The following OPCML variants were observed in gnomAD, a reference collection of about 807,000 sequenced individuals.
OPCML encodes opioid-binding protein/cell adhesion molecule.
A neutral mutation model predicts 37.8 loss-of-function variants in OPCML; 13 were observed. The ratio of observed to expected loss-of-function variants is 0.34; its 90% CI spans 0.22 to 0.55. The LOEUF is 0.55. Among genes scored for constraint, OPCML ranks in the 20% least tolerant of loss-of-function variants. The pLI is 0.91. For missense variants in OPCML, 341 were observed against 435.6 expected, an observed-to-expected ratio of 0.78 and a Z score of 1.93; for synonymous variants, 176 against 168.8, an observed-to-expected ratio of 1.04 and a Z score of -0.33.
At chr11:132,822,702 T>A (rs1455184334) in intron 2 of OPCML, among the ~76,000 whole-genome samples, 1 of 152,228 alleles carries the variant, frequency 6.6e-6, no homozygotes, top group African/African-American at 2.4e-5. Context: ...ACTTGTGATA[T>A]GCAGCTGAGA....
intron 4 of OPCML, among the ~76,000 whole-genome samples, chr11:132,439,524 C>A (rs1055916727): frequency 2.0e-5 from 3 of 152,184 alleles, no homozygotes; most frequent in African/African-American, 7.2e-5. Flanking sequence ...CACTTTCTTG[C>A]CCTACTCCCT....
At chr11:133,346,166 G>A (rs1232600560) in intron 1 of OPCML, among the ~76,000 whole-genome samples, 3 of 152,186 alleles carry the variant, frequency 2.0e-5, no homozygotes, top group Non-Finnish European at 4.4e-5. Flanking sequence ...ATTAGACTAT[G>A]ATTTAAATCC....
chr11:133,187,836 G>A (rs993934825), intron 1 of OPCML, among the ~76,000 whole-genome samples: 1 of 152,134 alleles, frequency 6.6e-6, no homozygotes, highest in African/African-American at 2.4e-5. Flanking sequence ...TGTACAGATG[G>A]AACTGTCACA....
At chr11:133,156,075 T>C (rs1381252774) in intron 1 of OPCML, among the ~76,000 whole-genome samples, 1 of 152,240 alleles carries the variant, frequency 6.6e-6, no homozygotes, top group African/African-American at 2.4e-5. Context: ...CGAATCTTTA[T>C]GAAAGGCTAA....
At chr11:133,440,824 A>G (rs1363521364) in intron 1 of OPCML, among the ~76,000 whole-genome samples, 1 of 146,094 alleles carries the variant, frequency 6.8e-6, no homozygotes, top group Non-Finnish European at 1.5e-5. Context: ...GTATATATAT[A>G]TATATAAATC....
intron 1 of OPCML, among the ~76,000 whole-genome samples, chr11:133,017,065 C>A (rs1254812511): frequency 6.6e-6 from 1 of 152,174 alleles, no homozygotes; most frequent in Non-Finnish European, 1.5e-5. Context: ...AATTCTAAGA[C>A]CAAGGTGCCT....
At chr11:133,095,718 G>T (rs760395953) in intron 1 of OPCML, among the ~76,000 whole-genome samples, 4 of 150,572 alleles carry the variant, frequency 2.7e-5, no homozygotes, top group Non-Finnish European at 5.9e-5. Flanking sequence ...AAAAAAATCA[G>T]AGGAAAAGAC....
chr11:132,992,209 C>A (rs1443183564), intron 1 of OPCML, among the ~76,000 whole-genome samples: 2 of 152,000 alleles, frequency 1.3e-5, no homozygotes, highest in Non-Finnish European at 2.9e-5. Context: ...TCTTCCAAAC[C>A]TGATATTTCA....
intron 1 of OPCML, among the ~76,000 whole-genome samples, chr11:133,164,540 C>T (rs1264695557): frequency 2.0e-5 from 3 of 152,178 alleles, no homozygotes; most frequent in Non-Finnish European, 4.4e-5. Context: ...TCACTCGAGA[C>T]CGCAGGTAAG....
chr11:133,138,866 C>T (rs114146004), intron 1 of OPCML, among the ~76,000 whole-genome samples: 1,669 of 152,212 alleles, frequency 0.011, 29 homozygotes, highest in African/African-American at 0.037. Context: ...AAGCATTGCC[C>T]GGAATGCTTG....
In OPCML at chr11:133,434,823, T is replaced by TATAC. The variant is rs1228363623; in HGVS notation, c.61+97440_61+97441insGTAT. Among the ~76,000 whole-genome samples the TATAC allele has an allele frequency of 4.4e-3, 616 of 140,592 alleles. 4 individuals carry two copies. Among genetic ancestry groups the TATAC allele is most frequent in the African/African-American group, 0.015 (563 of 37,540 alleles). 92.2% of individuals were successfully genotyped at this position (140,592 alleles called of 152,430 possible). A position where few individuals can be genotyped will look rare whatever the true frequency, so the allele number is the denominator to read the frequency against. The stretch of plus-strand genomic sequence containing the variant: ...GTATATATATATATATATATATATA[T>TATAC]ACACACACATATATATATTTAATAT... On this transcript the variant is annotated intron_variant, in intron 1 of 7. Transcript: ENST00000524381.
intron 2 of OPCML, among the ~76,000 whole-genome samples, chr11:132,829,197 G>C (rs1212910371): frequency 1.3e-5 from 2 of 152,148 alleles, no homozygotes; most frequent in Non-Finnish European, 2.9e-5. Flanking sequence ...GGTATCTCTG[G>C]AGGGACCAAA....
At chr11:133,058,084 TAC>T in intron 1 of OPCML, among the ~76,000 whole-genome samples, 1 of 152,370 alleles carries the variant, frequency 6.6e-6, no homozygotes, top group African/African-American at 2.4e-5. Context: ...AGAGCTTGTT[TAC>T]ATTTGTAAAG....
intron 1 of OPCML, among the ~76,000 whole-genome samples, chr11:133,320,877 G>A (rs559082638): frequency 2.0e-5 from 3 of 152,212 alleles, no homozygotes; most frequent in South Asian, 2.1e-4. Flanking sequence ...TGCTCAATAC[G>A]CAGAACACAA....
chr11:132,946,259 C>T (rs902601303), intron 1 of OPCML, among the ~76,000 whole-genome samples: 3 of 152,156 alleles, frequency 2.0e-5, no homozygotes, highest in African/African-American at 7.2e-5. Flanking sequence ...GCAATGCCTT[C>T]TTCTAAATCC....
At chr11:132,479,987 C>T (rs529321985) in intron 4 of OPCML, among the ~76,000 whole-genome samples, 12 of 152,300 alleles carry the variant, frequency 7.9e-5, no homozygotes, top group South Asian at 2.1e-4. Context: ...GGAACGCAGT[C>T]CCTCACCAGC....
intron 1 of OPCML, among the ~76,000 whole-genome samples, chr11:133,390,438 G>A (rs754352967): frequency 1.3e-5 from 2 of 152,100 alleles, no homozygotes; most frequent in African/African-American, 4.8e-5. Context: ...ACTCCAGCCC[G>A]GGTGACAGAA....
chr11:132,909,363 G>A (rs1476179101), intron 2 of OPCML, among the ~76,000 whole-genome samples: 1 of 152,202 alleles, frequency 6.6e-6, no homozygotes, highest in Non-Finnish European at 1.5e-5. Context: ...TGGTGTTCAG[G>A]TTGTGCGAAC....
At chr11:132,785,008 T>C (rs1223037263) in intron 2 of OPCML, among the ~76,000 whole-genome samples, 1 of 152,224 alleles carries the variant, frequency 6.6e-6, no homozygotes, top group African/African-American at 2.4e-5. Context: ...ATTTCCACAA[T>C]GATACATATT....
Sources: gnomAD v4.1 joint callset for allele counts (sites outside exome capture counted in the v4.1 genomes callset) on GRCh38, gnomAD v4.1.1 for gene constraint, MANE v1.5 for transcripts, NCBI Gene and HGNC (gene_info 2026-07-23, HGNC 2026-07-21) for gene names.